Variants in NRCAM observed in about 807,000 individuals in gnomAD.
The protein encoded by NRCAM is neuronal cell adhesion molecule.
Under a neutral mutation model 156.5 loss-of-function variants are expected in NRCAM, and 83 were observed. That is an observed-to-expected ratio of 0.53 (90% CI 0.44 to 0.64). The LOEUF (loss-of-function observed/expected upper bound fraction) is 0.64, where lower values mean the gene tolerates loss of function less well. Ranked by LOEUF, NRCAM falls within the 30% of genes least tolerant of loss-of-function variation. The pLI is 0.00. For missense variants in NRCAM, 1,417 were observed against 1,597.3 expected (o/e 0.89, Z 1.92); for synonymous variants, 538 against 563.9 (o/e 0.95, Z 0.65).
chr7:108,226,292 G>T lies in NRCAM; in HGVS notation c.637C>A (p.Arg213Ser). 1 of 1,602,764 alleles carries T rather than the reference G, an allele frequency of 6.2e-7. No individual in the cohort carries two copies. The highest frequency in any genetic ancestry group is 8.5e-7 in the Non-Finnish European group (1 of 1,170,224). The change falls in exon 9 of 33, where the codon CGC becomes AGC. Residue 213 changes from arginine (R) to serine (S), a missense_variant. Arg to Ser is a moderately radical substitution (Grantham distance 110). Transcript: ENST00000379028. ...CTAGCATAACAGATATAGTCTTCGC[G>T]GGTGTCCTCTGGGAGGACATTGGAA... is the stretch of plus-strand genomic sequence containing the variant. ...YFSNVLPEDT[R>S]EDYICYARFN...
intron 3 of NRCAM, among the ~76,000 whole-genome samples, chr7:108,268,636 T>TGGGGGG (rs1300340254): frequency 4.7e-4 from 4 of 8,490 alleles, no homozygotes; most frequent in African/African-American, 1.4e-3. Flanking sequence ...GGGGGGGGGT[T>TGGGGGG]GGGGGGGGCG....
At chr7:108,384,338 A>T (rs1435217501) in intron 2 of NRCAM, among the ~76,000 whole-genome samples, 5 of 152,144 alleles carry the variant, frequency 3.3e-5, no homozygotes, top group Admixed American at 2.0e-4. Context: ...CAAAAACAAA[A>T]AACAGGTTGG....
At chr7:108,295,553 T>C (rs1402317016) in intron 3 of NRCAM, among the ~76,000 whole-genome samples, 1 of 152,130 alleles carries the variant, frequency 6.6e-6, no homozygotes, top group African/African-American at 2.4e-5. Flanking sequence ...ACTAATCCCA[T>C]CCAATAGGGC....
chr7:108,176,377 T>C (rs1174337602), intron 27 of NRCAM, 53 bp downstream of exon 27: 1 of 1,520,088 alleles, frequency 6.6e-7, no homozygotes, highest in Non-Finnish European at 9.1e-7. Flanking sequence ...AACTTAAAGA[T>C]TTTTATTTCA....
At chr7:108,427,772 C>T (rs1014208174) in intron 1 of NRCAM, among the ~76,000 whole-genome samples, 1 of 152,074 alleles carries the variant, frequency 6.6e-6, no homozygotes, top group African/African-American at 2.4e-5. Context: ...GGCTGGCAAA[C>T]AAAAGTGATT....
At chr7:108,412,174 G>A (rs1796202355) in intron 1 of NRCAM, among the ~76,000 whole-genome samples, 1 of 151,454 alleles carries the variant, frequency 6.6e-6, no homozygotes, top group Non-Finnish European at 1.5e-5. Context: ...CAATCTCAAA[G>A]GCGAAAAAAA....
chr7:108,189,776 C>A, intron 19 of NRCAM, 30 bp from the exon 20 acceptor site: 2 of 818,696 alleles, frequency 2.4e-6, no homozygotes, highest in South Asian at 2.9e-5. Context: ...ACATCATGGT[C>A]ACGCATCCAT....
At chr7:108,204,330 G>C (rs954311036) in intron 13 of NRCAM, among the ~76,000 whole-genome samples, 4 of 152,228 alleles carry the variant, frequency 2.6e-5, no homozygotes, top group African/African-American at 4.8e-5. Context: ...TGAAGACTTA[G>C]CATCCACCCA....
intron 30 of NRCAM, among the ~76,000 whole-genome samples, chr7:108,161,670 TA>T (rs1217528072): frequency 6.6e-6 from 1 of 152,204 alleles, no homozygotes; most frequent in Non-Finnish European, 1.5e-5. Context: ...TGACTACGCA[TA>T]TCCCAGGTTC....
intron 2 of NRCAM, among the ~76,000 whole-genome samples, chr7:108,396,157 G>C (rs904815643): frequency 2.0e-5 from 3 of 152,146 alleles, no homozygotes; most frequent in Non-Finnish European, 4.4e-5. Flanking sequence ...ATATGAGTGA[G>C]ACAGAAAAAG....
chr7:108,335,433 G>GTTT (rs1280086737), intron 2 of NRCAM, among the ~76,000 whole-genome samples: 1 of 62,700 alleles, frequency 1.6e-5, no homozygotes, highest in Non-Finnish European at 3.0e-5. Context: ...TGTTCCACCT[G>GTTT]CTTTTTTTTT....
chr7:108,240,440 G>A (rs1562905139), intron 3 of NRCAM, among the ~76,000 whole-genome samples: 1 of 152,160 alleles, frequency 6.6e-6, no homozygotes, highest in East Asian at 1.9e-4. Context: ...TATTATGAGT[G>A]TTCAGAGGCT....
At chr7:108,342,404 G>A (rs777746073) in intron 2 of NRCAM, among the ~76,000 whole-genome samples, 1 of 152,208 alleles carries the variant, frequency 6.6e-6, no homozygotes, top group South Asian at 2.1e-4. Context: ...AAGCAACTAA[G>A]AGGGTTCTTT....
At chr7:108,355,176 A>C (rs892027671) in intron 2 of NRCAM, among the ~76,000 whole-genome samples, 8 of 152,216 alleles carry the variant, frequency 5.3e-5, no homozygotes, top group Admixed American at 3.3e-4. Context: ...AATTGGATAA[A>C]TTGATTCTAA....
chr7:108,222,624 T>C (rs2153683958), intron 11 of NRCAM, among the ~76,000 whole-genome samples: 1 of 152,226 alleles, frequency 6.6e-6, no homozygotes, highest in Non-Finnish European at 1.5e-5. Context: ...TAGTTTTCCG[T>C]AGCTTGAGGA....
chr7:108,157,544 A>G (rs2046259278), intron 32 of NRCAM, among the ~76,000 whole-genome samples: 1 of 152,166 alleles, frequency 6.6e-6, no homozygotes, highest in African/African-American at 2.4e-5. Flanking sequence ...ATTCCAAGCT[A>G]GTTCATAAAA....
chr7:108,234,665 G>T lies in NRCAM; in HGVS notation c.148C>A (p.Gln50Lys). ...ATAATGTAATCTTTTGGAGACTGTT[G>T]GGTGATGGTTGGAGGCTGTACCACT... ...EDLVQPPTITQQSPKDYIIDP... is the reference protein window; with the variant it reads ...EDLVQPPTITKQSPKDYIIDP... The change falls in exon 6 of 33, where the codon CAA becomes AAA. Residue 50 changes from glutamine to lysine, a missense_variant. This residue lies in a region of NRCAM where 1,238 missense variants were observed against 1,336.4 expected (regional missense o/e 0.93). Transcript: ENST00000379028. 6.2e-7 allele frequency: 1 copy of T among 1,611,102 alleles called. No individual in the cohort carries two copies. The highest frequency in any genetic ancestry group is 8.5e-7 in the Non-Finnish European group (1 of 1,177,694).
intron 11 of NRCAM, among the ~76,000 whole-genome samples, chr7:108,211,560 G>A (rs919415683): frequency 5.9e-5 from 9 of 152,150 alleles, no homozygotes; most frequent in Admixed American, 2.0e-4. Flanking sequence ...GTGGGAGTGA[G>A]ACTGGCCTTT....
intron 3 of NRCAM, among the ~76,000 whole-genome samples, chr7:108,301,871 C>T (rs1474463695): frequency 6.6e-6 from 1 of 152,114 alleles, no homozygotes; most frequent in Non-Finnish European, 1.5e-5. Flanking sequence ...GAGGCCAATA[C>T]ATCACTTTAG....
Sources: allele counts gnomAD v4.1 joint callset (sites outside exome capture counted in the v4.1 genomes callset), GRCh38; gene constraint gnomAD v4.1.1; regional missense constraint gnomAD v4.1.1; transcripts MANE v1.5; gene names NCBI Gene and HGNC (gene_info 2026-07-23, HGNC 2026-07-21).